Variants in PKHD1L1 observed in about 807,000 individuals in gnomAD.
PKHD1L1 encodes PKHD1 like 1, also known as fibrocystin-L.
A neutral mutation model predicts 462.9 loss-of-function variants in PKHD1L1; 434 were observed. The observed-to-expected ratio is 0.94, with a 90% CI of 0.87 to 1.02. The LOEUF (loss-of-function observed/expected upper bound fraction) is 1.02, where lower values mean the gene tolerates loss of function less well. Among genes scored for constraint, PKHD1L1 ranks in the 50% least tolerant of loss-of-function variants. The pLI is 0.00. For synonymous variants in PKHD1L1, 1,781 were observed against 1,750.0 expected, an observed-to-expected ratio of 1.02 and a Z score of -0.44; for missense variants, 5,202 against 5,096.1, an observed-to-expected ratio of 1.02 and a Z score of -0.63.
intron 14 of PKHD1L1, among the ~76,000 whole-genome samples, chr8:109,402,102 A>G (rs1201055144): frequency 1.3e-5 from 2 of 152,206 alleles, no homozygotes; most frequent in Non-Finnish European, 2.9e-5. Context: ...CAAGGAGCCA[A>G]TGAGTGGGAT....
intron 50 of PKHD1L1, among the ~76,000 whole-genome samples, chr8:109,471,585 C>T (rs530409416): frequency 6.6e-6 from 1 of 152,184 alleles, no homozygotes; most frequent in African/African-American, 2.4e-5. Context: ...AAATGAATGC[C>T]GAATTTGGTT....
At chr8:109,482,930 T>C (rs1818340859) in intron 56 of PKHD1L1, 57 bp from the exon 57 acceptor site, 2 of 1,009,742 alleles carry the variant, frequency 2.0e-6, no homozygotes, top group South Asian at 4.2e-5. Flanking sequence ...CATTTTATAC[T>C]AGCACCTAAC....
chr8:109,378,435 C>G (rs1385679587), intron 2 of PKHD1L1, among the ~76,000 whole-genome samples: 2 of 152,228 alleles, frequency 1.3e-5, no homozygotes, highest in Non-Finnish European at 2.9e-5. Flanking sequence ...TTCAACCACA[C>G]TTGCTATTAT....
Position 109,438,357 on chromosome 8 carries a change from A to G in PKHD1L1, c.3661A>G (p.Thr1221Ala). Residue 1221 changes from threonine to alanine, a missense_variant, in exon 31 of 78, where the codon ACC becomes GCC. Transcript: ENST00000378402. ...TEGTVDISVT[T>A]NGFQATARDA... ...GGGTACAGTTGATATTTCAGTTACT[A>G]CCAATGGATTTCAAGCCACAGCAAG... 6.5e-7 allele frequency: 1 copy of G among 1,536,748 alleles called. No individual in the cohort carries two copies. Among genetic ancestry groups the G allele is most frequent in the Non-Finnish European group, 8.8e-7 (1 of 1,135,382 alleles).
intron 14 of PKHD1L1, 52 bp from the exon 15 acceptor site, chr8:109,404,502 A>G: frequency 9.0e-7 from 1 of 1,115,232 alleles, no homozygotes. Flanking sequence ...AAATAATTTC[A>G]TGGCAAGTGT....
At chr8:109,512,494 T>A (rs1214570455) in intron 71 of PKHD1L1, among the ~76,000 whole-genome samples, 2 of 152,308 alleles carry the variant, frequency 1.3e-5, no homozygotes, top group East Asian at 3.9e-4. Context: ...TTGCCAAAGA[T>A]CAGATAGTTG....
chr8:109,447,884 C>T (rs1471962673), intron 38 of PKHD1L1, among the ~76,000 whole-genome samples: 1 of 152,112 alleles, frequency 6.6e-6, no homozygotes, highest in Admixed American at 6.6e-5. Context: ...GAATTAATAA[C>T]TTACAACTCA....
intron 58 of PKHD1L1, among the ~76,000 whole-genome samples, chr8:109,486,203 G>A (rs1012592987): frequency 2.8e-4 from 42 of 151,938 alleles, no homozygotes; most frequent in Non-Finnish European, 1.5e-5. Flanking sequence ...ACAAACCAAG[G>A]TTTAGGTGGC....
At position 109,452,706 on chromosome 8, in the gene PKHD1L1, G is replaced by A. The variant is rs1203149294; in HGVS notation, c.6508-12G>A. On this transcript the variant is annotated splice_polypyrimidine_tract_variant and intron_variant, in intron 42 of 77. Coordinates refer to ENST00000378402, the MANE Select transcript of PKHD1L1 (RefSeq NM_177531.6). ...ATCCCTAAATTTTAAGGTCTCTTATGTTCTATTACAGGATAATGCTGACTT... is the reference window on the plus strand; with the variant it reads ...ATCCCTAAATTTTAAGGTCTCTTATATTCTATTACAGGATAATGCTGACTT... 3.4e-6 allele frequency: 5 copies of A among 1,483,252 alleles called. No homozygotes were observed. Among genetic ancestry groups the A allele is most frequent in the Non-Finnish European group, 4.5e-6 (5 of 1,121,926 alleles). The allele number at this position is 1,483,252 out of a possible 1,614,324, so 91.9% of individuals were successfully genotyped here. A position where few individuals can be genotyped will look rare whatever the true frequency, so the allele number is the denominator to read the frequency against.
chr8:109,438,428 T>G lies in PKHD1L1; in HGVS notation c.3732T>G (p.Asp1244Glu). ...YNCLQTPIIT[D>E]FSPKVRTILG... is the part of the protein sequence containing the mutation. The stretch of plus-strand genomic sequence containing the variant: ...GTTTACAGACACCAATTATAACTGA[T>G]TTTAGTCCAAAAGTACGAACAATAC... The change falls in exon 31 of 78, where the codon GAT (aspartate) becomes GAG (glutamate). Residue 1244 changes from aspartate (D) to glutamate (E), a missense_variant. Around this residue, in one of 3 missense-constraint regions of PKHD1L1, gnomAD observed 4,497 missense variants for 4,336.8 expected, o/e 1.04. Transcript: ENST00000378402. The G allele has an allele frequency of 1.3e-6, 2 of 1,540,836 alleles. No individual in the cohort carries two copies. The highest frequency in any genetic ancestry group is 1.8e-6 in the Non-Finnish European group (2 of 1,140,934).
intron 9 of PKHD1L1, among the ~76,000 whole-genome samples, chr8:109,394,017 CA>C (rs1160226789): frequency 1.3e-5 from 2 of 151,340 alleles, no homozygotes; most frequent in African/African-American, 2.4e-5. Flanking sequence ...ACTAAAAATA[CA>C]AAAAAATTAG....
At chr8:109,505,708 G>T (rs1191504389) in intron 68 of PKHD1L1, among the ~76,000 whole-genome samples, 2 of 151,486 alleles carry the variant, frequency 1.3e-5, no homozygotes, top group African/African-American at 4.9e-5. Context: ...AGGCCAGCCT[G>T]GGCAACATAG....
rs1813649583 is a variant in PKHD1L1 at position 109,408,029 on chromosome 8, T to A, written c.1814-20T>A. ...TTTATTAGTTAATGTCTACAAATTCTGTTTGTCACTTAATTTCAGGAGACT... is the reference window on the plus strand; with the variant it reads ...TTTATTAGTTAATGTCTACAAATTCAGTTTGTCACTTAATTTCAGGAGACT... On this transcript the variant is annotated intron_variant, in intron 17 of 77. Coordinates refer to ENST00000378402, the MANE Select transcript of PKHD1L1 (RefSeq NM_177531.6). The A allele has an allele frequency of 6.4e-7, 1 of 1,558,150 alleles. No homozygotes were observed. Among genetic ancestry groups the A allele is most frequent in the Non-Finnish European group, 8.7e-7 (1 of 1,149,262 alleles).
intron 8 of PKHD1L1, 55 bp from the exon 9 acceptor site, chr8:109,390,397 A>G: frequency 9.7e-7 from 1 of 1,027,378 alleles, no homozygotes; most frequent in Non-Finnish European, 1.4e-6. Context: ...ATATAGAGTT[A>G]TTGTTCTTCT....
At chr8:109,523,482 C>A in intron 76 of PKHD1L1, 96 bp downstream of exon 76, 2 of 1,212,268 alleles carry the variant, frequency 1.6e-6, no homozygotes, top group South Asian at 2.3e-5. Flanking sequence ...ACACTCTGGT[C>A]AATAAATTAT....
At chr8:109,363,668 T>C (rs1458076615) in intron 1 of PKHD1L1, among the ~76,000 whole-genome samples, 1 of 152,154 alleles carries the variant, frequency 6.6e-6, no homozygotes, top group Non-Finnish European at 1.5e-5. Flanking sequence ...TTTTAAAGAA[T>C]TATTTGCAAT....
intron 53 of PKHD1L1, among the ~76,000 whole-genome samples, chr8:109,478,259 TAAA>T (rs1247842099): frequency 6.6e-6 from 1 of 152,002 alleles, no homozygotes; most frequent in Non-Finnish European, 1.5e-5. Context: ...ATTCAACCAC[TAAA>T]AAAAATTTAC....
chr8:109,460,146 T>C (rs1379806049), intron 47 of PKHD1L1, among the ~76,000 whole-genome samples: 1 of 152,142 alleles, frequency 6.6e-6, no homozygotes, highest in Admixed American at 6.6e-5. Flanking sequence ...TATCTTCCTA[T>C]AATTATGATT....
rs746444455 is a variant in PKHD1L1 at position 109,448,407 on chromosome 8, C to T, written c.6025+16C>T. Reference sequence around the variant, plus strand: ...CCAAGCCAAGGTAGTCATAAGTATGCAAGAACCTGCAGATATTTTGTTTCA... The same window carrying T: ...CCAAGCCAAGGTAGTCATAAGTATGTAAGAACCTGCAGATATTTTGTTTCA... On this transcript the variant is annotated intron_variant, in intron 39 of 77. Transcript: ENST00000378402. 5.1e-6 allele frequency: 8 copies of T among 1,582,088 alleles called. No individual in the cohort carries two copies. The highest frequency in any genetic ancestry group is 6.9e-6 in the Non-Finnish European group (8 of 1,162,720).
Sources: allele counts gnomAD v4.1 joint callset (sites outside exome capture counted in the v4.1 genomes callset), GRCh38; gene constraint gnomAD v4.1.1; regional missense constraint gnomAD v4.1.1; transcripts MANE v1.5; gene names NCBI Gene and HGNC (gene_info 2026-07-23, HGNC 2026-07-21).